USP25: variants seen among roughly 807,000 people sequenced by gnomAD.
USP25 encodes the protein ubiquitin specific peptidase 25.
In USP25, 85 loss-of-function variants were observed where a neutral mutation model predicts 158.5. The observed-to-expected ratio is 0.54, with a 90% confidence interval of 0.45 to 0.64. USP25 has a LOEUF of 0.64. USP25 is among the 30% of genes least tolerant of loss of function. The probability of loss-of-function intolerance (pLI) is 0.00; values close to 1 mark genes in which losing one functional copy is unlikely to be tolerated. For synonymous variants in USP25, 464 were observed against 460.4 expected (o/e 1.01, Z -0.10); for missense variants, 1,242 against 1,327.3 (o/e 0.94, Z 1.00).
Position 15,849,876 on chromosome 21 carries a change from C to A in USP25, c.2547+4C>A. The A allele has an allele frequency of 1.4e-6, 2 of 1,476,088 alleles. No homozygotes were observed. The highest frequency in any genetic ancestry group is 1.4e-5 in the South Asian group (1 of 71,360). The allele number at this position is 1,476,088 out of a possible 1,614,324, so 91.4% of individuals were successfully genotyped here. A position where few individuals can be genotyped will look rare whatever the true frequency, so the allele number is the denominator to read the frequency against. ...CCCTGAAGCAGGGTTCTTTAAGGTA[C>A]AATGAACATTTTCATTTTCGTGTCT... On this transcript the variant is annotated splice_donor_region_variant and intron_variant, in intron 20 of 25. Transcript: ENST00000400183.
Position 15,730,755 on chromosome 21 carries a change from C to T in USP25, c.45+317C>T, listed in dbSNP as rs202004875. Among the ~76,000 whole-genome samples the T allele has an allele frequency of 5.4e-3, 821 of 152,296 alleles. 26 individuals are homozygous for T. In the East Asian group the frequency reaches 0.1, roughly 19 times the overall value. ...GCATCTTAATGAAACTTTATTCTCTCCCCTTAAATGAGAAAGAATAGCTAG... is the reference window on the plus strand; with the variant it reads ...GCATCTTAATGAAACTTTATTCTCTTCCCTTAAATGAGAAAGAATAGCTAG... On this transcript the variant is annotated intron_variant, in intron 1 of 25. Transcript: ENST00000400183.
chr21:15,834,346 A>G (rs558387171), intron 17 of USP25, among the ~76,000 whole-genome samples: 17 of 152,218 alleles, frequency 1.1e-4, no homozygotes, highest in African/African-American at 2.9e-4. Flanking sequence ...AGAAAATGCT[A>G]TTTCTCAGAG....
chr21:15,817,125 C>G (rs751968504), intron 9 of USP25, among the ~76,000 whole-genome samples: 4 of 151,068 alleles, frequency 2.6e-5, no homozygotes, highest in Non-Finnish European at 5.9e-5. Context: ...GAGCGAGACT[C>G]TGTCTCAATA....
rs140737348 is a variant in USP25, at chr21:15,866,011, G to A, written c.2727-255G>A. ...TTTCCTATGCAAACTGTGTTAATTAGAATGTAATTTAAAAGCCATATATCA... is the reference window on the plus strand; with the variant it reads ...TTTCCTATGCAAACTGTGTTAATTAAAATGTAATTTAAAAGCCATATATCA... On this transcript the variant is annotated intron_variant, in intron 21 of 25. Coordinates refer to ENST00000400183, the MANE Select transcript of USP25 (RefSeq NM_001283041.3). Among the ~76,000 whole-genome samples the A allele has an allele frequency of 2.4e-3, 359 of 152,038 alleles. 5 individuals carry two copies. In the East Asian group the frequency reaches 0.034, roughly 15 times the overall value.
At chr21:15,748,261 G>A (rs928727696) in intron 1 of USP25, among the ~76,000 whole-genome samples, 9 of 152,060 alleles carry the variant, frequency 5.9e-5, no homozygotes, top group Non-Finnish European at 1.5e-5. Flanking sequence ...AAAAACAGGT[G>A]TCAGGAACTT....
chr21:15,787,108 A>G (rs2035320311), intron 4 of USP25, among the ~76,000 whole-genome samples: 1 of 152,160 alleles, frequency 6.6e-6, no homozygotes, highest in Non-Finnish European at 1.5e-5. Flanking sequence ...AAGAAATATA[A>G]GACACAAACA....
intron 1 of USP25, among the ~76,000 whole-genome samples, chr21:15,732,281 T>G (rs1411278141): frequency 1.3e-5 from 2 of 152,216 alleles, no homozygotes; most frequent in Non-Finnish European, 2.9e-5. Context: ...AGAGAAACTT[T>G]TATACTTCCA....
intron 10 of USP25, 55 bp downstream of exon 10, chr21:15,818,901 T>A: frequency 6.4e-7 from 1 of 1,563,470 alleles, no homozygotes; most frequent in South Asian, 1.1e-5. Context: ...CTTACAATGC[T>A]ATAGCACAAT....
At chr21:15,849,319 G>A (rs925007106) in intron 19 of USP25, among the ~76,000 whole-genome samples, 3 of 152,130 alleles carry the variant, frequency 2.0e-5, no homozygotes, top group Non-Finnish European at 4.4e-5. Context: ...TATGGATACA[G>A]GGCTGCTGTT....
At chr21:15,867,716 T>TA (rs1193758178) in intron 22 of USP25, among the ~76,000 whole-genome samples, 6 of 152,074 alleles carry the variant, frequency 3.9e-5, no homozygotes, top group African/African-American at 7.2e-5. Flanking sequence ...CTTTTGCCAG[T>TA]AAAAAAAGTA....
chr21:15,851,805 C>T (rs1438053483), intron 20 of USP25, among the ~76,000 whole-genome samples: 3 of 151,900 alleles, frequency 2.0e-5, no homozygotes, highest in South Asian at 2.1e-4. Context: ...TATGACCTGC[C>T]CCAATCTGTA....
At chr21:15,771,119 T>C (rs920409226) in intron 3 of USP25, among the ~76,000 whole-genome samples, 7 of 152,220 alleles carry the variant, frequency 4.6e-5, no homozygotes, top group Admixed American at 4.6e-4. Flanking sequence ...AGTACTTTTA[T>C]AGACCATTAA....
chr21:15,775,739 ACCCCCCCCCCC>A (rs57912569), intron 3 of USP25, among the ~76,000 whole-genome samples: 1 of 14,052 alleles, frequency 7.1e-5, no homozygotes, highest in Non-Finnish European at 1.3e-4. Flanking sequence ...AATGGTTGCC[ACCCCCCCCCCC>A]CCCCGCCCCC....
chr21:15,740,409 G>T (rs899539710), intron 1 of USP25, among the ~76,000 whole-genome samples: 7 of 151,368 alleles, frequency 4.6e-5, no homozygotes, highest in Non-Finnish European at 1.0e-4. Flanking sequence ...GTTTTTTTTT[G>T]TTTCAGGTGT....
intron 3 of USP25, among the ~76,000 whole-genome samples, chr21:15,767,863 A>T (rs1160541015): frequency 6.6e-6 from 1 of 152,124 alleles, no homozygotes; most frequent in Non-Finnish European, 1.5e-5. Flanking sequence ...TGTCCTGCAC[A>T]AAAGAAGATA....
rs1240323321 is a variant in USP25 at position 15,834,908 on chromosome 21, A to T, written c.2194+1360A>T. Among the ~76,000 whole-genome samples the T allele has an allele frequency of 2.0e-5, 3 of 152,232 alleles. No individual in the cohort carries two copies. In the East Asian group the frequency reaches 5.8e-4, roughly 29 times the overall value. ...AAGCTATGTGGGTCCACAACAATGTAGTTTTTAGTAGATGTCAAGAGGTAT... is the reference window on the plus strand; with the variant it reads ...AAGCTATGTGGGTCCACAACAATGTTGTTTTTAGTAGATGTCAAGAGGTAT... On this transcript the variant is annotated intron_variant, in intron 17 of 25. Coordinates refer to ENST00000400183, the MANE Select transcript of USP25 (RefSeq NM_001283041.3).
In USP25 at chr21:15,753,377, G is replaced by A. The variant is rs375202940; in HGVS notation, c.46-9514G>A. Among the ~76,000 whole-genome samples the A allele has an allele frequency of 2.0e-5, 3 of 152,218 alleles. No individual in the cohort carries two copies. The East Asian group carries it at 5.8e-4, about 29-fold the overall frequency. The stretch of plus-strand genomic sequence containing the variant: ...TGGGAAAAAACAGGTGGCAAGGTAG[G>A]AGGTTGTAAACAGGCCAGTTACTTA... On this transcript the variant is annotated intron_variant, in intron 1 of 25. Coordinates refer to ENST00000400183, the MANE Select transcript of USP25 (RefSeq NM_001283041.3).
chr21:15,772,072 T>C (rs17241444), intron 3 of USP25, among the ~76,000 whole-genome samples: 11,516 of 152,200 alleles, frequency 0.076, 500 homozygotes, highest in East Asian at 0.099. Context: ...GAGGTTCAAG[T>C]AAGATTCACT....
At chr21:15,792,728 C>T (rs1207786143) in intron 5 of USP25, among the ~76,000 whole-genome samples, 1 of 151,326 alleles carries the variant, frequency 6.6e-6, no homozygotes, top group East Asian at 1.9e-4. Context: ...ACCGTTTTCT[C>T]CCTTTTTGCT....
Sources: gnomAD v4.1 joint callset for allele counts (sites outside exome capture counted in the v4.1 genomes callset) on GRCh38, gnomAD v4.1.1 for gene constraint, MANE v1.5 for transcripts, NCBI Gene and HGNC (gene_info 2026-07-23, HGNC 2026-07-21) for gene names.